CFAP161: variants seen among roughly 807,000 people sequenced by gnomAD.
CFAP161 encodes the protein cilia and flagella associated protein 161, also known as cilia- and flagella-associated protein 161.
In CFAP161, 25 loss-of-function variants were observed where a neutral mutation model predicts 29.0. The observed-to-expected ratio is 0.86, with a 90% CI of 0.63 to 1.20. CFAP161 has a LOEUF of 1.20. Among genes scored for constraint, CFAP161 ranks in the 50% most tolerant of loss-of-function variants. CFAP161 has a pLI of 0.00. For synonymous variants in CFAP161, 116 were observed against 137.4 expected (o/e 0.84, Z 1.09); for missense variants, 367 against 371.9 (o/e 0.99, Z 0.11).
intron 4 of CFAP161, among the ~76,000 whole-genome samples, chr15:81,139,230 G>A (rs1444437795): frequency 5.3e-5 from 8 of 152,068 alleles, no homozygotes; most frequent in Admixed American, 2.0e-4. Flanking sequence ...GCTTAAGCCG[G>A]AAGGTAGAAA....
upstream of CFAP161, among the ~76,000 whole-genome samples, chr15:81,133,218 TA>T (rs1567156414): frequency 6.5e-3 from 217 of 33,412 alleles, 9 homozygotes; most frequent in Non-Finnish European, 9.2e-3. Flanking sequence ...TATATATATA[TA>T]TATATGTATT....
chr15:81,124,075 G>A (rs1894609639), intron 1 of CFAP161, among the ~76,000 whole-genome samples: 1 of 152,126 alleles, frequency 6.6e-6, no homozygotes, highest in Non-Finnish European at 1.5e-5. Context: ...CCAATACTAT[G>A]TTGAATAGCA....
At chr15:81,136,852 G>A (rs753306255) in intron 3 of CFAP161, 104 bp downstream of exon 3, 2 of 938,220 alleles carry the variant, frequency 2.1e-6, no homozygotes, top group South Asian at 3.4e-5. Flanking sequence ...GAAAGGTTTT[G>A]TGAACATTTT....
At chr15:81,123,141 C>T (rs1383006982) in intron 1 of CFAP161, among the ~76,000 whole-genome samples, 3 of 152,104 alleles carry the variant, frequency 2.0e-5, no homozygotes, top group Non-Finnish European at 4.4e-5. Flanking sequence ...GGTGGTACCT[C>T]ATTTTTCTTC....
At chr15:81,102,814 C>T (rs1464949944) in intron 1 of CFAP161, among the ~76,000 whole-genome samples, 2 of 152,180 alleles carry the variant, frequency 1.3e-5, no homozygotes, top group Admixed American at 6.5e-5. Context: ...CATGCCAGGA[C>T]AGATGATAGG....
In CFAP161 at chr15:81,148,540, A is replaced by T; in HGVS notation, c.*7A>T. The T allele has an allele frequency of 6.2e-7, 1 of 1,604,818 alleles. No individual in the cohort carries two copies. The highest frequency in any genetic ancestry group is 8.5e-7 in the Non-Finnish European group (1 of 1,172,248). ...GGGCCTTGACACGCAGTAACACGCCAGGCACGTGCATGTTTTCCCTGGTCC... is the reference window on the plus strand; with the variant it reads ...GGGCCTTGACACGCAGTAACACGCCTGGCACGTGCATGTTTTCCCTGGTCC... On this transcript the variant is annotated 3_prime_UTR_variant, in exon 7 of 7. Coordinates refer to ENST00000286732, the MANE Select transcript of CFAP161 (RefSeq NM_173528.4).
Position 81,116,877 on chromosome 15 carries a change from A to G in CFAP161, c.-141-10713A>G, listed in dbSNP as rs1894505532. ...TCAGGGTCTAGTCTAGTCTACAGGT[A>G]GATAATGAGAACTTGTAAACAATTC... On this transcript the variant is annotated intron_variant, in intron 1 of 4. Coordinates refer to the CFAP161 transcript ENST00000560091. Among the ~76,000 whole-genome samples, 3 of 152,356 alleles carry G rather than the reference A, an allele frequency of 2.0e-5. No individual in the cohort carries two copies. In the South Asian group the frequency reaches 6.2e-4, roughly 32 times the overall value.
chr15:81,147,830 T>C (rs780437900), intron 5 of CFAP161, 28 bp from the exon 6 acceptor site: 3 of 1,534,004 alleles, frequency 2.0e-6, no homozygotes. Flanking sequence ...TTTAGAATGC[T>C]AATAACACAT....
chr15:81,121,164 C>T (rs1017430372), intron 1 of CFAP161, among the ~76,000 whole-genome samples: 44 of 152,276 alleles, frequency 2.9e-4, no homozygotes, highest in African/African-American at 1.1e-3. Context: ...TTACTGCAAC[C>T]TACTCAGACC....
rs1479579473 is a variant in CFAP161, at chr15:81,134,288, A to C, written c.-42A>C. On this transcript the variant is annotated 5_prime_UTR_variant, in exon 1 of 7. It removes an upstream start codon present in the reference 5' UTR. Coordinates refer to ENST00000286732, the MANE Select transcript of CFAP161 (RefSeq NM_173528.4). The stretch of plus-strand genomic sequence containing the variant: ...TCATGGCGACGCGCCACGCTAACGC[A>C]TGGTGTCGGAGGGAGGCCCACTTGC... 8.3e-6 allele frequency: 13 copies of C among 1,560,822 alleles called. No individual in the cohort carries two copies. Among genetic ancestry groups the C allele is most frequent in the Non-Finnish European group, 1.1e-5 (13 of 1,151,352 alleles).
At chr15:81,143,892 C>T (rs1894960072) in intron 5 of CFAP161, 72 bp downstream of exon 5, 1 of 1,496,860 alleles carries the variant, frequency 6.7e-7, no homozygotes, top group Non-Finnish European at 9.0e-7. Flanking sequence ...GTCTATAACA[C>T]ACAGACTTAT....
chr15:81,134,099 C>G (rs541077117), upstream of CFAP161: 25 of 530,818 alleles, frequency 4.7e-5, 1 homozygote, highest in South Asian at 5.8e-4. Flanking sequence ...CTCTCGCCCA[C>G]CCTGCAGTTA....
chr15:81,137,178 T>C (rs1894825436), intron 3 of CFAP161, among the ~76,000 whole-genome samples: 1 of 152,168 alleles, frequency 6.6e-6, no homozygotes, highest in African/African-American at 2.4e-5. Flanking sequence ...TAACTGTCCA[T>C]TAAAAATGTA....
rs1894960156 is a variant in CFAP161, at chr15:81,143,896, G to T, written c.636+76G>T. 4.1e-6 allele frequency: 6 copies of T among 1,465,882 alleles called. No individual in the cohort carries two copies. In the Admixed American group the frequency reaches 1.3e-4, roughly 31 times the overall value. The allele number at this position is 1,465,882 out of a possible 1,614,324, so 90.8% of individuals were successfully genotyped here. The stretch of plus-strand genomic sequence containing the variant: ...AATTTATTCCTGTCTATAACACACA[G>T]ACTTATAGCTCAAATGCCTTATGAC... On this transcript the variant is annotated intron_variant, in intron 5 of 6. Coordinates refer to ENST00000286732, the MANE Select transcript of CFAP161 (RefSeq NM_173528.4).
chr15:81,109,963 T>C lies in CFAP161; in HGVS notation c.-141-17627T>C, dbSNP rs768911673. 1.1e-4 allele frequency among the ~76,000 whole-genome samples: 16 copies of C among 152,282 alleles called. No individual in the cohort carries two copies. The Middle Eastern group carries it at 0.027, about 259-fold the overall frequency. On this transcript the variant is annotated intron_variant, in intron 1 of 4. Transcript: ENST00000560091. ...TCATAAAGCATCAGTGATTTCACCA[T>C]TTTTCCACCCAAATTTCTGCATAAA...
At chr15:81,103,978 T>C (rs1894332808) in intron 1 of CFAP161, among the ~76,000 whole-genome samples, 1 of 120,090 alleles carries the variant, frequency 8.3e-6, no homozygotes, top group Non-Finnish European at 2.1e-5. Context: ...ATTGTGGTGG[T>C]ATGAGAGGTG....
chr15:81,100,516 TG>T (rs1203657806), intron 1 of CFAP161, among the ~76,000 whole-genome samples: 1 of 152,162 alleles, frequency 6.6e-6, no homozygotes, highest in Admixed American at 6.5e-5. Flanking sequence ...ATGTAGCTGC[TG>T]GAGTACACTG....
intron 1 of CFAP161, among the ~76,000 whole-genome samples, 162 bp from the exon 2 acceptor site, chr15:81,135,108 T>C (rs1894785705): frequency 1.3e-5 from 2 of 152,252 alleles, no homozygotes; most frequent in Non-Finnish European, 2.9e-5. Context: ...GTAGTAAAAA[T>C]ATTAAAGTAG....
At chr15:81,148,078 G>A (rs1288136580) in intron 6 of CFAP161, 147 bp downstream of exon 6, 4 of 735,784 alleles carry the variant, frequency 5.4e-6, no homozygotes, top group East Asian at 5.4e-5. Context: ...CTTCAATGGT[G>A]TGAAAAATCC....
Sources: gnomAD v4.1 joint callset for allele counts (sites outside exome capture counted in the v4.1 genomes callset) on GRCh38, gnomAD v4.1.1 for gene constraint, MANE v1.5 for transcripts, NCBI Gene and HGNC (gene_info 2026-07-23, HGNC 2026-07-21) for gene names.